MAPK9: variants seen among roughly 807,000 people sequenced by gnomAD.
The protein encoded by MAPK9 is Jun kinase.
Under a neutral mutation model 57.1 loss-of-function variants are expected in MAPK9, and 30 were observed. The observed-to-expected ratio is 0.53, with a 90% CI of 0.39 to 0.71. The LOEUF (loss-of-function observed/expected upper bound fraction) is 0.71, where lower values mean the gene tolerates loss of function less well. MAPK9 is among the 30% of genes least tolerant of loss of function. MAPK9 has a pLI of 0.00. For synonymous variants in MAPK9, 155 were observed against 177.0 expected, an observed-to-expected ratio of 0.88 and a Z score of 0.99; for missense variants, 362 against 521.0, an observed-to-expected ratio of 0.69 and a Z score of 2.97.
chr5:180,245,830 C>T (rs1035070110), intron 7 of MAPK9, among the ~76,000 whole-genome samples: 1 of 152,140 alleles, frequency 6.6e-6, no homozygotes, highest in Admixed American at 6.5e-5. Flanking sequence ...TACCCTGGGT[C>T]GCAAATTAAA....
chr5:180,239,971 T>C lies in MAPK9; in HGVS notation c.1013A>G (p.Tyr338Cys), dbSNP rs372230609. Residue 338 changes from tyrosine (Y) to cysteine (C), a missense_variant, in exon 10 of 12, where the codon TAT becomes TGT. By Grantham distance (194) the Tyr-to-Cys change is radical. Transcript: ENST00000452135. ...TTCTCTTTCTTCCAACTGGGCATCATAAATTTGAGGTGGTGGCTAAAAATT... is the reference window on the plus strand; with the variant it reads ...TTCTCTTTCTTCCAACTGGGCATCACAAATTTGAGGTGGTGGCTAAAAATT... The part of the protein sequence containing the change: ...AEAEAPPPQI[Y>C]DAQLEEREHA... 3.1e-6 allele frequency: 5 copies of C among 1,613,434 alleles called. No homozygotes were observed. Among genetic ancestry groups the C allele is most frequent in the African/African-American group, 2.7e-5 (2 of 74,912 alleles).
At chr5:180,262,625 G>A (rs963795766) in intron 4 of MAPK9, among the ~76,000 whole-genome samples, 2 of 151,328 alleles carry the variant, frequency 1.3e-5, no homozygotes, top group Admixed American at 6.6e-5. Flanking sequence ...TAGTAGAGAC[G>A]GGGTTTTGCC....
At position 180,235,599 on chromosome 5, in the gene MAPK9, A is replaced by C. The variant is rs955682251; in HGVS notation, c.*785T>G. 2 of 152,242 alleles carry C rather than the reference A, an allele frequency of 1.3e-5. No homozygotes were observed. Among genetic ancestry groups the C allele is most frequent in the African/African-American group, 4.8e-5 (2 of 41,464 alleles). 9.4% of individuals were successfully genotyped at this position (152,242 alleles called of 1,614,324 possible). A position where few individuals can be genotyped will look rare whatever the true frequency, so the allele number is the denominator to read the frequency against. On this transcript the variant is annotated 3_prime_UTR_variant, in exon 12 of 12. Coordinates refer to ENST00000452135, the MANE Select transcript of MAPK9 (RefSeq NM_002752.5). Reference sequence around the variant, plus strand: ...AATTCATAAGAAGTCTAGAAGACCAAGAAGAAAAGAGATAAGGTAGCTAGG... The same window carrying C: ...AATTCATAAGAAGTCTAGAAGACCACGAAGAAAAGAGATAAGGTAGCTAGG...
intron 5 of MAPK9, among the ~76,000 whole-genome samples, chr5:180,250,183 G>A (rs944224990): frequency 2.0e-5 from 3 of 152,136 alleles, no homozygotes; most frequent in South Asian, 2.1e-4. Context: ...CACGCCTGGC[G>A]CGAGCAGACA....
chr5:180,270,765 T>C (rs1761189482), intron 2 of MAPK9, among the ~76,000 whole-genome samples: 1 of 148,514 alleles, frequency 6.7e-6, no homozygotes, highest in South Asian at 2.1e-4. Context: ...GTGGGAGGAC[T>C]GCTTGAGCCG....
Position 180,269,424 on chromosome 5 carries a change from T to A in MAPK9, c.123-15A>T. The A allele has an allele frequency of 6.2e-7, 1 of 1,611,874 alleles. No individual in the cohort carries two copies. Among genetic ancestry groups the A allele is most frequent in the Non-Finnish European group, 8.5e-7 (1 of 1,178,182 alleles). ...CAAATGCAGCACTAGAATTAGGAAA[T>A]ATAATGCACAATCCATTAGAACGGT... On this transcript the variant is annotated splice_polypyrimidine_tract_variant and intron_variant, in intron 2 of 11. Transcript: ENST00000452135.
At chr5:180,237,368 T>C (rs566190616) in intron 11 of MAPK9, 1 of 152,202 alleles carries the variant, frequency 6.6e-6, no homozygotes, top group Non-Finnish European at 1.5e-5. Context: ...GAGACAATGA[T>C]ATAACGTGAG....
rs1205763949 is a variant in MAPK9, at chr5:180,233,859, GGGGCCCTGTAAGA to G, written c.*2512_*2524del. On this transcript the variant is annotated 3_prime_UTR_variant, in exon 12 of 12. Coordinates refer to ENST00000452135, the MANE Select transcript of MAPK9 (RefSeq NM_002752.5). ...TCAGACACGGACTTGGGGTGGGCAA[GGGGCCCTGTAAGA>G]GGGCTTCCTCCTCTCAGTACTGGGG... The G allele has an allele frequency of 6.6e-6, 1 of 152,250 alleles. No homozygotes were observed. Among genetic ancestry groups the G allele is most frequent in the Non-Finnish European group, 1.5e-5 (1 of 68,068 alleles). The allele number at this position is 152,250 out of a possible 1,614,324, so 9.4% of individuals were successfully genotyped here. A position where few individuals can be genotyped will look rare whatever the true frequency, so the allele number is the denominator to read the frequency against.
chr5:180,268,210 C>T (rs1170641718), intron 3 of MAPK9, among the ~76,000 whole-genome samples: 2 of 152,110 alleles, frequency 1.3e-5, no homozygotes, highest in South Asian at 2.1e-4. Flanking sequence ...TTGATTGAAC[C>T]CAACTTCATT....
intron 2 of MAPK9, among the ~76,000 whole-genome samples, chr5:180,275,367 C>A (rs1334156797): frequency 6.6e-6 from 1 of 152,166 alleles, no homozygotes; most frequent in Non-Finnish European, 1.5e-5. Context: ...AGTGGCAGTG[C>A]CTATAAGGGC....
At chr5:180,273,496 G>C in intron 2 of MAPK9, among the ~76,000 whole-genome samples, 1 of 152,140 alleles carries the variant, frequency 6.6e-6, no homozygotes, top group East Asian at 1.9e-4. Flanking sequence ...CAAAGTGCTG[G>C]AATTATAGGC....
intron 7 of MAPK9, chr5:180,246,412 T>C (rs896366107): frequency 1.3e-5 from 2 of 152,298 alleles, no homozygotes; most frequent in Admixed American, 1.3e-4. Context: ...TATTTTCACT[T>C]TAAGTTTGCA....
intron 3 of MAPK9, among the ~76,000 whole-genome samples, chr5:180,267,956 G>C (rs193070140): frequency 6.6e-6 from 1 of 151,986 alleles, no homozygotes; most frequent in African/African-American, 2.4e-5. Flanking sequence ...TCTGCCTCCC[G>C]GGTTCATGCC....
chr5:180,250,845 A>G (rs1372462147), intron 5 of MAPK9, among the ~76,000 whole-genome samples: 1 of 152,202 alleles, frequency 6.6e-6, no homozygotes, highest in Non-Finnish European at 1.5e-5. Flanking sequence ...CCTGAGAGGA[A>G]GAAACCGGGC....
intron 2 of MAPK9, chr5:180,279,657 G>A (rs1047323640): frequency 2.2e-5 from 8 of 355,742 alleles, no homozygotes; most frequent in South Asian, 1.1e-4. Flanking sequence ...TTCTTTAGGC[G>A]CAAAGGTAAT....
intron 3 of MAPK9, among the ~76,000 whole-genome samples, chr5:180,266,306 T>C (rs1439986326): frequency 2.6e-5 from 4 of 151,658 alleles, no homozygotes; most frequent in Admixed American, 2.0e-4. Flanking sequence ...GTAACAGACG[T>C]TCTCAGACAC....
intron 3 of MAPK9, among the ~76,000 whole-genome samples, chr5:180,267,530 C>G (rs1238087221): frequency 6.9e-6 from 1 of 144,984 alleles, no homozygotes; most frequent in African/African-American, 2.6e-5. Flanking sequence ...CCACTGCCCT[C>G]CAGGTTGGGC....
In MAPK9 at chr5:180,263,340, A is replaced by C. The variant is rs1381287680; in HGVS notation, c.311+1441T>G. On this transcript the variant is annotated intron_variant, in intron 4 of 11. Transcript: ENST00000452135. Reference sequence around the variant, plus strand: ...CCCTTCCTATTACCCCTCTGGGCCAAATGGACCCTCCGTCATCCCTTAACA... The same window carrying C: ...CCCTTCCTATTACCCCTCTGGGCCACATGGACCCTCCGTCATCCCTTAACA... 2.6e-5 allele frequency among the ~76,000 whole-genome samples: 4 copies of C among 152,196 alleles called. No individual in the cohort carries two copies. In the East Asian group the frequency reaches 7.7e-4, roughly 29 times the overall value.
At chr5:180,250,390 TG>T (rs1307924685) in intron 5 of MAPK9, among the ~76,000 whole-genome samples, 1 of 152,202 alleles carries the variant, frequency 6.6e-6, no homozygotes, top group Non-Finnish European at 1.5e-5. Flanking sequence ...CTTGAGAAAC[TG>T]TGACTTGTAA....
Sources: allele counts gnomAD v4.1 joint callset (sites outside exome capture counted in the v4.1 genomes callset), GRCh38; gene constraint gnomAD v4.1.1; transcripts MANE v1.5; gene names NCBI Gene and HGNC (gene_info 2026-07-23, HGNC 2026-07-21).